The following CELF2 variants were observed in gnomAD, a reference collection of about 807,000 sequenced individuals.
The protein encoded by CELF2 is CUGBP Elav-like family member 2.
Under a neutral mutation model 62.6 loss-of-function variants are expected in CELF2, and 8 were observed. That is an observed-to-expected ratio of 0.13 (90% CI 0.07 to 0.23). CELF2 has a LOEUF of 0.23. CELF2 is among the 10% of genes least tolerant of loss of function. The probability of loss-of-function intolerance (pLI) is 1.00; values close to 1 mark genes in which losing one functional copy is unlikely to be tolerated. For synonymous variants in CELF2, 258 were observed against 250.0 expected, an observed-to-expected ratio of 1.03 and a Z score of -0.30; for missense variants, 333 against 671.0, an observed-to-expected ratio of 0.50 and a Z score of 5.56.
intron 2 of CELF2, among the ~76,000 whole-genome samples, chr10:10,967,589 G>T (rs981991430): frequency 2.6e-5 from 4 of 152,206 alleles, no homozygotes; most frequent in Non-Finnish European, 5.9e-5. Flanking sequence ...CTGAGTGCAG[G>T]AAGGTGGGCG....
intron 2 of CELF2, among the ~76,000 whole-genome samples, chr10:11,197,330 T>A (rs2058224794): frequency 6.6e-6 from 1 of 152,182 alleles, no homozygotes; most frequent in Non-Finnish European, 1.5e-5. Flanking sequence ...TGATGCTCAC[T>A]CCTTCTCCTG....
chr10:11,318,941 G>T lies in CELF2; in HGVS notation c.1097-2248G>T, dbSNP rs561848288. ...CCACCCGCAGCAGACAAGGCATCATGGTGGTGCGATGCTGCCCACCCCTCC... is the reference window on the plus strand; with the variant it reads ...CCACCCGCAGCAGACAAGGCATCATTGTGGTGCGATGCTGCCCACCCCTCC... On this transcript the variant is annotated intron_variant, in intron 10 of 12. Coordinates refer to ENST00000633077, the MANE Select transcript of CELF2 (RefSeq NM_001326342.2). This position sits in a 1 kb window ranked among gnomAD's most constrained non-coding sequence, Gnocchi z 5.4. 4.2e-6 allele frequency: 2 copies of T among 471,170 alleles called. No individual in the cohort carries two copies. The highest frequency in any genetic ancestry group is 3.1e-5 in the South Asian group (2 of 64,568). The allele number at this position is 471,170 out of a possible 1,614,324, so 29.2% of individuals were successfully genotyped here.
At chr10:10,832,555 G>A (rs537626859) in intron 1 of CELF2, among the ~76,000 whole-genome samples, 9 of 152,306 alleles carry the variant, frequency 5.9e-5, no homozygotes, top group African/African-American at 1.7e-4. Flanking sequence ...ACAAAGGAGA[G>A]AATAACCCTT....
chr10:10,858,736 A>G (rs4141516), intron 1 of CELF2, among the ~76,000 whole-genome samples: 52,310 of 151,868 alleles, frequency 0.34, 10,477 homozygotes, highest in East Asian at 0.74. Flanking sequence ...GAATGAAAGT[A>G]TCCAGGAATA....
At position 10,954,525 on chromosome 10, in the gene CELF2, C is replaced by T. The variant is rs1005634518; in HGVS notation, c.89+34526C>T. On this transcript the variant is annotated intron_variant, in intron 2 of 13. Transcript: ENST00000636488. ...CCTCCCAAAGTGCTGGGATTACAGG[C>T]GTGAGCCACCGCACCTGGCCAATTT... 9.2e-5 allele frequency among the ~76,000 whole-genome samples: 14 copies of T among 152,216 alleles called. No individual in the cohort carries two copies. In the East Asian group the frequency reaches 1.7e-3, roughly 19 times the overall value.
intron 2 of CELF2, among the ~76,000 whole-genome samples, chr10:11,189,454 T>A (rs2075794665): frequency 6.6e-6 from 1 of 152,222 alleles, no homozygotes; most frequent in Non-Finnish European, 1.5e-5. Context: ...ATGTAATCGT[T>A]GATAAAATTT....
At position 11,217,459 on chromosome 10, in the gene CELF2, T is replaced by C. The variant is rs762138476; in HGVS notation, c.306T>C (p.Ala102=). 5.0e-6 allele frequency: 8 copies of C among 1,613,324 alleles called. No homozygotes were observed. In the South Asian group the frequency reaches 7.7e-5, roughly 16 times the overall value. The stretch of plus-strand genomic sequence containing the variant: ...TCGTAACATTTTATACAAGAAAAGC[T>C]GCACTTGAGGCCCAGAATGCACTGC... The part of the protein sequence containing the change: ...CCFVTFYTRK[A]ALEAQNALHN... Residue 102 remains alanine (A), a synonymous_variant, in exon 3 of 13, where the codon GCT becomes GCC. Coordinates refer to ENST00000633077, the MANE Select transcript of CELF2 (RefSeq NM_001326342.2). This position sits in a 1 kb window ranked among gnomAD's most constrained non-coding sequence, Gnocchi z 5.6.
At chr10:10,720,170 C>T in the CELF2 span, among the ~76,000 whole-genome samples, 15 of 152,254 alleles carry the variant, frequency 9.9e-5, no homozygotes, top group African/African-American at 2.4e-4. Flanking sequence ...GCAGGACTTA[C>T]GGCAGGCAAC....
rs749051644 is a variant in CELF2 at position 11,290,426 on chromosome 10, G to A, written c.976+1874G>A. ...GTGGACCGCGTCCGTTCCAGCCCAC[G>A]TTGGGAGGAGTGTGAGCTTGTTGCA... On this transcript the variant is annotated intron_variant, in intron 9 of 12. Coordinates refer to ENST00000633077, the MANE Select transcript of CELF2 (RefSeq NM_001326342.2). The surrounding 1 kb of genome is among the most constrained non-coding windows in gnomAD (Gnocchi z 4.3). Among the ~76,000 whole-genome samples the A allele has an allele frequency of 1.3e-5, 2 of 151,970 alleles. No homozygotes were observed. Among genetic ancestry groups the A allele is most frequent in the African/African-American group, 2.4e-5 (1 of 41,346 alleles).
intron 1 of CELF2, among the ~76,000 whole-genome samples, chr10:11,121,924 G>T (rs1179528743): frequency 6.6e-6 from 1 of 152,126 alleles, no homozygotes; most frequent in Non-Finnish European, 1.5e-5. Flanking sequence ...CTCAAGAAAG[G>T]GCTCAGTGCA....
chr10:10,725,797 G>C, the CELF2 span, among the ~76,000 whole-genome samples: 1 of 151,862 alleles, frequency 6.6e-6, no homozygotes, highest in Admixed American at 6.6e-5. Context: ...ACCATTCAGT[G>C]CTCCAGTTCG....
At chr10:10,672,711 T>G in the CELF2 span, among the ~76,000 whole-genome samples, 1 of 152,284 alleles carries the variant, frequency 6.6e-6, no homozygotes, top group South Asian at 2.1e-4. Context: ...TTATAGTAAG[T>G]CTTGAAGTTT....
intron 1 of CELF2, among the ~76,000 whole-genome samples, chr10:10,880,078 G>A (rs749333863): frequency 7.9e-5 from 12 of 152,154 alleles, no homozygotes; most frequent in East Asian, 7.7e-4. Flanking sequence ...GGTAAGAAAC[G>A]GTTCCTCTCT....
the CELF2 span, among the ~76,000 whole-genome samples, chr10:10,557,715 A>T: frequency 6.7e-6 from 1 of 148,298 alleles, no homozygotes; most frequent in Non-Finnish European, 1.5e-5. Flanking sequence ...TTCCTTGAGC[A>T]GTGGTTTGTA....
chr10:10,742,331 C>A, the CELF2 span, among the ~76,000 whole-genome samples: 1 of 152,288 alleles, frequency 6.6e-6, no homozygotes, highest in African/African-American at 2.4e-5. Context: ...CCACCATCTC[C>A]TTACAATACT....
At chr10:11,241,719 G>C (rs1214384271) in intron 3 of CELF2, among the ~76,000 whole-genome samples, 1 of 152,064 alleles carries the variant, frequency 6.6e-6, no homozygotes, top group African/African-American at 2.4e-5. Flanking sequence ...GAGCATAATA[G>C]AACAGTGGCT....
intron 1 of CELF2, among the ~76,000 whole-genome samples, chr10:11,043,617 G>C (rs948666673): frequency 6.6e-6 from 1 of 152,060 alleles, no homozygotes; most frequent in Non-Finnish European, 1.5e-5. Context: ...TCACTAAATG[G>C]TTAGCCAGCT....
At position 11,300,782 on chromosome 10, in the gene CELF2, G is replaced by A. The variant is rs573928638; in HGVS notation, c.976+12230G>A. 5.3e-5 allele frequency among the ~76,000 whole-genome samples: 8 copies of A among 152,280 alleles called. No homozygotes were observed. The highest frequency in any genetic ancestry group is 1.9e-4 in the East Asian group (1 of 5,188). On this transcript the variant is annotated intron_variant, in intron 9 of 12. Coordinates refer to ENST00000633077, the MANE Select transcript of CELF2 (RefSeq NM_001326342.2). This position sits in a 1 kb window ranked among gnomAD's most constrained non-coding sequence, Gnocchi z 5.5. ...TCGTTTGAGGCAAAACGGCGACCGC[G>A]GGCTCCAGTGTCCTGAGTATGTTTG...
At chr10:10,536,082 C>CTT in the CELF2 span, among the ~76,000 whole-genome samples, 1 of 147,628 alleles carries the variant, frequency 6.8e-6, no homozygotes, top group African/African-American at 2.5e-5. Flanking sequence ...TGCAGTGGTG[C>CTT]GATCTCGACT....
Sources: gnomAD v4.1 joint callset for allele counts (sites outside exome capture counted in the v4.1 genomes callset) on GRCh38, gnomAD v4.1.1 for gene constraint, Gnocchi (gnomAD v3.1) non-coding constraint, MANE v1.5 for transcripts, NCBI Gene and HGNC (gene_info 2026-07-23, HGNC 2026-07-21) for gene names.